The following INTS13 variants were observed in gnomAD, a reference collection of about 807,000 sequenced individuals.
The protein encoded by INTS13 is asunder, spermatogenesis regulator homolog (Drosphila).
Under a neutral mutation model 90.2 loss-of-function variants are expected in INTS13, and 35 were observed. The observed-to-expected ratio is 0.39, with a 90% confidence interval of 0.30 to 0.51. INTS13 has a LOEUF of 0.51. Ranked by LOEUF, INTS13 falls within the 20% of genes least tolerant of loss-of-function variation. The pLI, the probability that INTS13 is intolerant of heterozygous loss-of-function variation, is 0.80. For missense variants in INTS13, 601 were observed against 851.2 expected, an observed-to-expected ratio of 0.71 and a Z score of 3.66; for synonymous variants, 309 against 277.1, an observed-to-expected ratio of 1.11 and a Z score of -1.14.
At chr12:26,935,638 G>A (rs564330757) in intron 2 of INTS13, among the ~76,000 whole-genome samples, 1 of 152,320 alleles carries the variant, frequency 6.6e-6, no homozygotes, top group East Asian at 1.9e-4. Context: ...ACCACGCCAA[G>A]GTCTGAACCG....
At position 26,911,089 on chromosome 12, in the gene INTS13, C is replaced by T. The variant is rs150389445; in HGVS notation, c.1945+89G>A. The T allele has an allele frequency of 2.2e-3, 3,047 of 1,405,776 alleles. 51 individuals are homozygous for T. In the African/African-American group the frequency reaches 0.038, roughly 18 times the overall value. 87.1% of individuals were successfully genotyped at this position (1,405,776 alleles called of 1,614,324 possible). A position where few individuals can be genotyped will look rare whatever the true frequency, so the allele number is the denominator to read the frequency against. ...ACCTCAGGTGATCTGCTTGCCTCAG[C>T]CTCCCAAAGTGCTGGGATTACAGGG... is the stretch of plus-strand genomic sequence containing the variant. On this transcript the variant is annotated intron_variant, in intron 15 of 16. Transcript: ENST00000261191.
chr12:26,913,890 T>C, intron 13 of INTS13, 84 bp downstream of exon 13: 1 of 1,314,078 alleles, frequency 7.6e-7, no homozygotes, highest in Admixed American at 2.5e-5. Flanking sequence ...TCAAATAGAA[T>C]TTACATATGG....
chr12:26,922,566 T>C (rs1218385829), intron 8 of INTS13, 50 bp downstream of exon 8: 1 of 1,397,386 alleles, frequency 7.2e-7, no homozygotes, highest in Non-Finnish European at 9.9e-7. Flanking sequence ...TACTGTAATA[T>C]GCTTTCATAT....
Position 26,924,421 on chromosome 12 carries a change from T to C in INTS13, c.738A>G (p.Lys246=). ...SVRAGRHLAT[K]LNILVQQHFD... ...AATGTTGCTGTACTAAAATATTCAA[T>C]TTGGTAGCAAGATGCCGTCCTGCAC... The change falls in exon 7 of 17, where the codon AAA becomes AAG. Residue 246 remains lysine, a synonymous_variant. Coordinates refer to ENST00000261191, the MANE Select transcript of INTS13 (RefSeq NM_018164.3). 6.2e-7 allele frequency: 1 copy of C among 1,613,590 alleles called. No individual in the cohort carries two copies. Among genetic ancestry groups the C allele is most frequent in the Non-Finnish European group, 8.5e-7 (1 of 1,179,670 alleles).
intron 2 of INTS13, among the ~76,000 whole-genome samples, chr12:26,935,688 A>T (rs1938423252): frequency 6.6e-6 from 1 of 152,340 alleles, no homozygotes; most frequent in Admixed American, 6.5e-5. Flanking sequence ...CTCTCATTAT[A>T]TATTTTTATC....
At chr12:26,930,347 A>G (rs1938122522) in intron 3 of INTS13, among the ~76,000 whole-genome samples, 1 of 152,226 alleles carries the variant, frequency 6.6e-6, no homozygotes, top group African/African-American at 2.4e-5. Flanking sequence ...AACAATCTTC[A>G]AAAAGAACAA....
At chr12:26,938,014 C>T (rs1378933582), upstream of INTS13, 1 of 152,746 alleles carries the variant, frequency 6.5e-6, no homozygotes, top group Non-Finnish European at 1.5e-5. Flanking sequence ...CACACACGCA[C>T]TCGGGCTCGC....
intron 16 of INTS13, 79 bp downstream of exon 16, chr12:26,906,223 T>C (rs564095629): frequency 7.3e-7 from 1 of 1,364,134 alleles, no homozygotes; most frequent in East Asian, 2.4e-5. Context: ...AAACTGCTGA[T>C]TATTACAAAT....
intron 4 of INTS13, 141 bp downstream of exon 4, chr12:26,928,562 A>T: frequency 1.2e-6 from 1 of 848,906 alleles, no homozygotes; most frequent in Non-Finnish European, 1.8e-6. Flanking sequence ...GGCAAAAAAA[A>T]AAAAAAGAAA....
intron 7 of INTS13, 56 bp downstream of exon 7, chr12:26,924,299 A>G (rs1208924174): frequency 6.3e-7 from 1 of 1,585,568 alleles, no homozygotes; most frequent in East Asian, 2.3e-5. Context: ...GGCCTCAAAC[A>G]AATATTTAAA....
At chr12:26,910,813 T>C (rs1428329278) in intron 15 of INTS13, among the ~76,000 whole-genome samples, 3 of 152,076 alleles carry the variant, frequency 2.0e-5, no homozygotes, top group Non-Finnish European at 2.9e-5. Context: ...TAAATAACAC[T>C]GTACAAAACA....
intron 6 of INTS13, 91 bp downstream of exon 6, chr12:26,925,670 T>C: frequency 9.4e-7 from 1 of 1,063,736 alleles, no homozygotes. Context: ...TGGCAGAAAA[T>C]ATTGGCAATG....
At chr12:26,917,879 T>C (rs1419150353) in intron 8 of INTS13, 146 bp from the exon 9 acceptor site, 2 of 606,456 alleles carry the variant, frequency 3.3e-6, no homozygotes, top group Admixed American at 2.9e-5. Context: ...ATCCCAGCAC[T>C]TTGGGAGGCT....
At chr12:26,915,941 T>A in intron 11 of INTS13, 61 bp downstream of exon 11, 1 of 1,301,654 alleles carries the variant, frequency 7.7e-7, no homozygotes, top group Non-Finnish European at 1.1e-6. Context: ...GAGCACTCGA[T>A]AACTACTTGC....
intron 8 of INTS13, among the ~76,000 whole-genome samples, chr12:26,920,985 A>G (rs949855531): frequency 2.6e-5 from 4 of 152,252 alleles, no homozygotes; most frequent in Admixed American, 2.6e-4. Flanking sequence ...ACTAGAAAAC[A>G]TTCTAAAGAA....
intron 1 of INTS13, 37 bp from the exon 2 acceptor site, chr12:26,936,851 C>CATA: frequency 7.5e-7 from 1 of 1,332,350 alleles, no homozygotes; most frequent in South Asian, 1.2e-5. Flanking sequence ...AATATTTGTA[C>CATA]ATAACATCTT....
intron 11 of INTS13, among the ~76,000 whole-genome samples, chr12:26,915,405 G>GT (rs1951903052): frequency 6.6e-6 from 1 of 151,930 alleles, no homozygotes; most frequent in Non-Finnish European, 1.5e-5. Flanking sequence ...TAAATATTAT[G>GT]TTTTTTAAAA....
At chr12:26,913,020 T>C (rs1168124828) in intron 14 of INTS13, among the ~76,000 whole-genome samples, 1 of 152,182 alleles carries the variant, frequency 6.6e-6, no homozygotes. Context: ...TGTGAACCAC[T>C]GCACCCAGCC....
Position 26,906,427 on chromosome 12 carries a change from C to A in INTS13, c.1956G>T (p.Ser652=). 6.2e-7 allele frequency: 1 copy of A among 1,607,406 alleles called. No homozygotes were observed. The highest frequency in any genetic ancestry group is 1.1e-5 in the South Asian group (1 of 89,472). The stretch of plus-strand genomic sequence containing the variant: ...TTCTATTACTCCACAAGGATAATAA[C>A]GACACTGGCCCTAGTGTTATATTTA... ...PQVEKSKGPV[S]LLSLWSNRIN... Residue 652 remains serine, a synonymous_variant, in exon 16 of 17, where the codon TCG becomes TCT. Transcript: ENST00000261191.
Sources: allele counts gnomAD v4.1 joint callset (sites outside exome capture counted in the v4.1 genomes callset), GRCh38; gene constraint gnomAD v4.1.1; transcripts MANE v1.5; gene names NCBI Gene and HGNC (gene_info 2026-07-23, HGNC 2026-07-21).